Variants in CTNNA2 observed in about 807,000 individuals in gnomAD.
The protein encoded by CTNNA2 is catenin alpha-2.
Under a neutral mutation model 101.0 loss-of-function variants are expected in CTNNA2, and 42 were observed. The observed-to-expected ratio is 0.42, with a 90% CI of 0.32 to 0.54. The LOEUF (loss-of-function observed/expected upper bound fraction) is 0.54, where lower values mean the gene tolerates loss of function less well. Ranked by LOEUF, CTNNA2 falls within the 20% of genes least tolerant of loss-of-function variation. The pLI is 0.14. For synonymous variants in CTNNA2, 450 were observed against 456.4 expected (o/e 0.99, Z 0.18); for missense variants, 871 against 1,223.1 (o/e 0.71, Z 4.29).
intron 11 of CTNNA2, among the ~76,000 whole-genome samples, chr2:80,551,220 A>G (rs549450642): frequency 6.6e-6 from 1 of 152,204 alleles, no homozygotes; most frequent in Non-Finnish European, 1.5e-5. Flanking sequence ...TCAGTAAACC[A>G]TGCTATAAAC....
intron 9 of CTNNA2, among the ~76,000 whole-genome samples, chr2:80,482,123 A>G (rs1686199150): frequency 6.6e-6 from 1 of 152,040 alleles, no homozygotes; most frequent in Non-Finnish European, 1.5e-5. Flanking sequence ...TCAGTCATGT[A>G]ATAGTCTTTA....
intron 7 of CTNNA2, among the ~76,000 whole-genome samples, chr2:80,365,465 A>T (rs1468211127): frequency 6.6e-6 from 1 of 152,134 alleles, no homozygotes; most frequent in East Asian, 1.9e-4. Flanking sequence ...ATGATTTTTT[A>T]AAAATGTACT....
chr2:79,355,584 A>T (rs1010848829), intron 3 of CTNNA2, among the ~76,000 whole-genome samples: 1 of 152,166 alleles, frequency 6.6e-6, no homozygotes, highest in African/African-American at 2.4e-5. Context: ...CCCAGTACAG[A>T]CTAAACCATC....
At chr2:80,141,880 G>A (rs1192666453) in intron 7 of CTNNA2, among the ~76,000 whole-genome samples, 1 of 149,418 alleles carries the variant, frequency 6.7e-6, no homozygotes, top group African/African-American at 2.5e-5. Context: ...TTGAGACAGG[G>A]TCTCACTCTA....
At chr2:80,047,796 G>T (rs1224885673) in intron 7 of CTNNA2, among the ~76,000 whole-genome samples, 1 of 152,172 alleles carries the variant, frequency 6.6e-6, no homozygotes, top group African/African-American at 2.4e-5. Flanking sequence ...CTTGAAAAGT[G>T]GTTGAAAAGA....
intron 1 of CTNNA2, among the ~76,000 whole-genome samples, chr2:79,192,946 C>G (rs567397793): frequency 1.3e-4 from 20 of 152,160 alleles, no homozygotes; most frequent in African/African-American, 4.8e-4. Context: ...TCTGTTTACT[C>G]CTACCCAATC....
intron 7 of CTNNA2, among the ~76,000 whole-genome samples, chr2:80,249,288 G>A (rs76311081): frequency 0.019 from 2,963 of 152,252 alleles, 100 homozygotes; most frequent in African/African-American, 0.068. Context: ...GCTCCTCGTC[G>A]CATAGGGCAT....
intron 7 of CTNNA2, among the ~76,000 whole-genome samples, chr2:80,063,689 T>C (rs1226530449): frequency 6.6e-6 from 1 of 152,240 alleles, no homozygotes; most frequent in Non-Finnish European, 1.5e-5. Flanking sequence ...ATTAGATACA[T>C]ATCATGACAA....
Position 80,373,867 on chromosome 2 carries a change from G to A in CTNNA2, c.1057-19344G>A, listed in dbSNP as rs17019111. Among the ~76,000 whole-genome samples, 789 of 152,196 alleles carry A rather than the reference G, an allele frequency of 5.2e-3. 7 individuals carry two copies. The highest frequency in any genetic ancestry group is 0.018 in the African/African-American group (737 of 41,500). On this transcript the variant is annotated intron_variant, in intron 7 of 18. Transcript: ENST00000402739. ...TGTGAAATACTGAAGAGCTTTCCGA[G>A]AATTCACACAAGAGATTTCTGGAGC...
intron 18 of CTNNA2, among the ~76,000 whole-genome samples, chr2:80,646,086 AC>A (rs1674056631): frequency 6.6e-6 from 1 of 152,120 alleles, no homozygotes; most frequent in African/African-American, 2.4e-5. Context: ...TAACCTCAAT[AC>A]TGCGTGGGAC....
chr2:80,025,473 G>A (rs1197762569), intron 7 of CTNNA2, among the ~76,000 whole-genome samples: 1 of 152,318 alleles, frequency 6.6e-6, no homozygotes. Context: ...TCATTAATGA[G>A]ATGCGAGAAG....
At chr2:79,885,379 G>C (rs1345663059) in intron 6 of CTNNA2, among the ~76,000 whole-genome samples, 1 of 152,172 alleles carries the variant, frequency 6.6e-6, no homozygotes, top group African/African-American at 2.4e-5. Flanking sequence ...AGATACTGCT[G>C]TGTAAGCTCT....
At chr2:80,428,097 G>A (rs1230100457) in intron 9 of CTNNA2, among the ~76,000 whole-genome samples, 1 of 152,168 alleles carries the variant, frequency 6.6e-6, no homozygotes, top group Admixed American at 6.5e-5. Flanking sequence ...GAACATTCCA[G>A]ACTGTGAAAA....
intron 7 of CTNNA2, among the ~76,000 whole-genome samples, chr2:80,079,163 A>G (rs1698956107): frequency 6.6e-6 from 1 of 152,180 alleles, no homozygotes; most frequent in African/African-American, 2.4e-5. Flanking sequence ...ACTCCCCAAC[A>G]GATGATTATT....
chr2:80,400,959 C>T (rs1185242013), intron 8 of CTNNA2, among the ~76,000 whole-genome samples: 1 of 152,188 alleles, frequency 6.6e-6, no homozygotes, highest in Non-Finnish European at 1.5e-5. Flanking sequence ...TGTGTTGCTT[C>T]TGCCTGGAAT....
chr2:79,845,203 A>G (rs977741182), intron 3 of CTNNA2, among the ~76,000 whole-genome samples: 1 of 132,410 alleles, frequency 7.6e-6, no homozygotes, highest in African/African-American at 2.9e-5. Context: ...GAATTTCTAA[A>G]TGTCCACTTA....
At chr2:79,296,803 G>T (rs1310416355) in intron 2 of CTNNA2, among the ~76,000 whole-genome samples, 1 of 152,046 alleles carries the variant, frequency 6.6e-6, no homozygotes, top group Non-Finnish European at 1.5e-5. Context: ...GGGGAAGCTT[G>T]CATGGGTTTT....
At chr2:79,359,393 C>T (rs1273848472) in intron 3 of CTNNA2, among the ~76,000 whole-genome samples, 1 of 152,208 alleles carries the variant, frequency 6.6e-6, no homozygotes, top group Non-Finnish European at 1.5e-5. Flanking sequence ...AGGGCCCTAA[C>T]ATGACACCCC....
At chr2:80,540,354 TGG>T (rs952776005) in intron 9 of CTNNA2, among the ~76,000 whole-genome samples, 6 of 152,156 alleles carry the variant, frequency 3.9e-5, no homozygotes, top group African/African-American at 7.2e-5. Context: ...CCTAGCACTT[TGG>T]GAGGCCGAGG....
Sources: allele counts gnomAD v4.1 joint callset (sites outside exome capture counted in the v4.1 genomes callset), GRCh38; gene constraint gnomAD v4.1.1; transcripts MANE v1.5; gene names NCBI Gene and HGNC (gene_info 2026-07-23, HGNC 2026-07-21).